The following EPHA6 variants were observed in gnomAD, a reference collection of about 807,000 sequenced individuals.
The protein encoded by EPHA6 is ephrin type-A receptor 6.
In EPHA6, 50 loss-of-function variants were observed where a neutral mutation model predicts 112.0. The ratio of observed to expected loss-of-function variants is 0.45; its 90% CI spans 0.36 to 0.56. The LOEUF (loss-of-function observed/expected upper bound fraction) is 0.56, where lower values mean the gene tolerates loss of function less well. Ranked by LOEUF, EPHA6 falls within the 20% of genes least tolerant of loss-of-function variation. The pLI is 0.00. For missense variants in EPHA6, 1,280 were observed against 1,417.4 expected, an observed-to-expected ratio of 0.90 and a Z score of 1.56; for synonymous variants, 529 against 490.7, an observed-to-expected ratio of 1.08 and a Z score of -1.03.
intron 10 of EPHA6, among the ~76,000 whole-genome samples, chr3:97,497,495 G>A (rs2092010689): frequency 6.6e-6 from 1 of 151,930 alleles, no homozygotes; most frequent in African/African-American, 2.4e-5. Flanking sequence ...CTCTCACCCT[G>A]CCTTTATTCC....
intron 3 of EPHA6, among the ~76,000 whole-genome samples, chr3:97,078,238 A>T (rs1206819685): frequency 6.6e-6 from 1 of 151,566 alleles, no homozygotes; most frequent in Non-Finnish European, 1.5e-5. Context: ...TTTTGATGTG[A>T]TTGTTTGTTT....
At chr3:97,290,814 CTT>C (rs796682526) in intron 5 of EPHA6, among the ~76,000 whole-genome samples, 1 of 147,874 alleles carries the variant, frequency 6.8e-6, no homozygotes, top group Non-Finnish European at 1.5e-5. Context: ...TTTTGCTCAT[CTT>C]TTTTTTTTAA....
At chr3:97,291,917 C>G (rs1259679144) in intron 5 of EPHA6, among the ~76,000 whole-genome samples, 1 of 152,226 alleles carries the variant, frequency 6.6e-6, no homozygotes, top group Non-Finnish European at 1.5e-5. Context: ...GGACTTGTGC[C>G]TGGCAGGTTG....
At chr3:97,076,066 G>C (rs1248623917) in intron 3 of EPHA6, among the ~76,000 whole-genome samples, 1 of 151,934 alleles carries the variant, frequency 6.6e-6, no homozygotes, top group African/African-American at 2.4e-5. Context: ...CCCTACAGTG[G>C]CCTTTAAGTG....
At chr3:97,509,937 G>A (rs1345362762) in intron 10 of EPHA6, among the ~76,000 whole-genome samples, 1 of 151,916 alleles carries the variant, frequency 6.6e-6, no homozygotes, top group Non-Finnish European at 1.5e-5. Context: ...TCATTAAATT[G>A]ATCTTTAATC....
At chr3:97,279,634 A>G (rs2080219187) in intron 5 of EPHA6, among the ~76,000 whole-genome samples, 1 of 152,208 alleles carries the variant, frequency 6.6e-6, no homozygotes, top group Non-Finnish European at 1.5e-5. Context: ...AGCCAAGCAG[A>G]GAATCAATCA....
At chr3:96,843,258 A>C (rs2034858622) in intron 1 of EPHA6, among the ~76,000 whole-genome samples, 1 of 152,112 alleles carries the variant, frequency 6.6e-6, no homozygotes, top group Non-Finnish European at 1.5e-5. Context: ...TTTACCTATT[A>C]ACTAAAGAGG....
At chr3:97,504,079 G>T (rs2092188140) in intron 10 of EPHA6, among the ~76,000 whole-genome samples, 1 of 152,154 alleles carries the variant, frequency 6.6e-6, no homozygotes, top group African/African-American at 2.4e-5. Context: ...AACAGTAGAA[G>T]ATTAATCTTT....
At chr3:96,969,918 T>C (rs1221679772) in intron 2 of EPHA6, among the ~76,000 whole-genome samples, 1 of 152,062 alleles carries the variant, frequency 6.6e-6, no homozygotes, top group East Asian at 1.9e-4. Flanking sequence ...TACATTAACA[T>C]GTCCAGTTTG....
intron 14 of EPHA6, among the ~76,000 whole-genome samples, chr3:97,693,450 T>A (rs1265874127): frequency 6.6e-6 from 1 of 152,236 alleles, no homozygotes; most frequent in Non-Finnish European, 1.5e-5. Context: ...TTAGGATGAT[T>A]TCATGAATGT....
chr3:97,028,362 AT>A (rs2044713697), intron 3 of EPHA6, among the ~76,000 whole-genome samples: 1 of 152,138 alleles, frequency 6.6e-6, no homozygotes, highest in Non-Finnish European at 1.5e-5. Context: ...TAGATTAAAT[AT>A]TGAATATAGT....
chr3:96,885,415 G>T (rs1424197230), intron 2 of EPHA6, among the ~76,000 whole-genome samples: 1 of 152,000 alleles, frequency 6.6e-6, no homozygotes, highest in Non-Finnish European at 1.5e-5. Context: ...CTTGTTATTG[G>T]TCTGTTTGTG....
intron 7 of EPHA6, among the ~76,000 whole-genome samples, chr3:97,459,166 G>A (rs1471084369): frequency 6.6e-6 from 1 of 152,218 alleles, no homozygotes; most frequent in African/African-American, 2.4e-5. Context: ...AACAGTATCT[G>A]TGCAAGTGTA....
intron 2 of EPHA6, among the ~76,000 whole-genome samples, chr3:96,893,270 A>G (rs1163859331): frequency 1.3e-5 from 2 of 152,130 alleles, no homozygotes; most frequent in Admixed American, 1.3e-4. Flanking sequence ...TTACTATACT[A>G]CCCTCTTCAT....
At chr3:97,716,439 G>A (rs945705152) in intron 14 of EPHA6, among the ~76,000 whole-genome samples, 1 of 141,016 alleles carries the variant, frequency 7.1e-6, no homozygotes, top group Non-Finnish European at 1.5e-5. Flanking sequence ...GCGGTGGCGG[G>A]CGCCTGTAGT....
At chr3:96,891,751 G>A (rs1384295405) in intron 2 of EPHA6, among the ~76,000 whole-genome samples, 1 of 152,124 alleles carries the variant, frequency 6.6e-6, no homozygotes, top group Non-Finnish European at 1.5e-5. Flanking sequence ...GTGATATGCT[G>A]TTTTGACATA....
At chr3:97,579,767 A>C (rs977299880) in intron 11 of EPHA6, among the ~76,000 whole-genome samples, 1 of 152,198 alleles carries the variant, frequency 6.6e-6, no homozygotes, top group Admixed American at 6.5e-5. Context: ...AGATTCTGAA[A>C]CTGTAAAATA....
intron 11 of EPHA6, among the ~76,000 whole-genome samples, chr3:97,581,405 C>T (rs1281621264): frequency 6.6e-6 from 1 of 152,152 alleles, no homozygotes; most frequent in Non-Finnish European, 1.5e-5. Flanking sequence ...TTAAATGTTA[C>T]CTTTACAATT....
intron 11 of EPHA6, among the ~76,000 whole-genome samples, chr3:97,536,454 A>G (rs2092765633): frequency 6.6e-6 from 1 of 152,208 alleles, no homozygotes. Context: ...AGTAAAGAGC[A>G]ATAGAAACCA....
Sources: allele counts gnomAD v4.1 joint callset (sites outside exome capture counted in the v4.1 genomes callset), GRCh38; gene constraint gnomAD v4.1.1; transcripts MANE v1.5; gene names NCBI Gene and HGNC (gene_info 2026-07-23, HGNC 2026-07-21).